The following SLC12A7 variants were observed in gnomAD, a reference collection of about 807,000 sequenced individuals.
SLC12A7 encodes the protein K-Cl cotransporter 4.
In SLC12A7, 100 loss-of-function variants were observed where a neutral mutation model predicts 120.6. That is an observed-to-expected ratio of 0.83 (90% CI 0.71 to 0.98). The LOEUF is 0.98. SLC12A7 is among the 50% of genes least tolerant of loss of function. The pLI is 0.00. For synonymous variants in SLC12A7, 760 were observed against 678.0 expected, an observed-to-expected ratio of 1.12 and a Z score of -1.88; for missense variants, 1,373 against 1,548.1, an observed-to-expected ratio of 0.89 and a Z score of 1.90.
the SLC12A7 span, among the ~76,000 whole-genome samples, chr5:1,123,064 C>T: frequency 3.9e-5 from 6 of 152,210 alleles, no homozygotes; most frequent in Non-Finnish European, 8.8e-5. Context: ...GCCAAAAATA[C>T]CTCCTAATCG....
At chr5:1,090,917 C>T (rs1385787881) in intron 3 of SLC12A7, among the ~76,000 whole-genome samples, 1 of 152,164 alleles carries the variant, frequency 6.6e-6, no homozygotes. Flanking sequence ...TCAATGGGAG[C>T]AGGTCTGCTG....
chr5:1,126,082 TTTTTA>T, the SLC12A7 span, among the ~76,000 whole-genome samples: 19 of 152,282 alleles, frequency 1.2e-4, no homozygotes, highest in East Asian at 7.7e-4. Flanking sequence ...TCATCTATTC[TTTTTA>T]TTTTATTTTA....
chr5:1,141,798 G>C, the SLC12A7 span, among the ~76,000 whole-genome samples: 1 of 152,210 alleles, frequency 6.6e-6, no homozygotes, highest in Non-Finnish European at 1.5e-5. Context: ...TGGACACTCA[G>C]GCAGAGACAA....
chr5:1,154,158 A>G, the SLC12A7 span, among the ~76,000 whole-genome samples: 61,128 of 151,434 alleles, frequency 0.4, 12,589 homozygotes, highest in Admixed American at 0.51. Context: ...CGTCCACCTC[A>G]TCTCCACAGG....
intron 15 of SLC12A7, 25 bp downstream of exon 15, chr5:1,075,346 T>G: frequency 6.2e-7 from 1 of 1,603,654 alleles, no homozygotes; most frequent in South Asian, 1.1e-5. Context: ...GCGCCGGGTC[T>G]GTAAGGGGGG....
At chr5:1,056,018 G>T (rs1034317754) in intron 22 of SLC12A7, among the ~76,000 whole-genome samples, 1 of 152,156 alleles carries the variant, frequency 6.6e-6, no homozygotes, top group Non-Finnish European at 1.5e-5. Flanking sequence ...GGCAGGCAGG[G>T]GACAGAGACG....
intron 1 of SLC12A7, among the ~76,000 whole-genome samples, chr5:1,110,184 G>A (rs892057493): frequency 6.6e-6 from 1 of 152,262 alleles, no homozygotes; most frequent in African/African-American, 2.4e-5. Context: ...AGTAGGAAGC[G>A]GGTCCAGCAC....
chr5:1,144,969 G>A, the SLC12A7 span, among the ~76,000 whole-genome samples: 641 of 152,380 alleles, frequency 4.2e-3, 7 homozygotes, highest in African/African-American at 0.014. Context: ...ATCCGAGGAA[G>A]GAAGTGCAGC....
chr5:1,125,103 C>T, the SLC12A7 span, among the ~76,000 whole-genome samples: 1 of 152,196 alleles, frequency 6.6e-6, no homozygotes, highest in East Asian at 1.9e-4. Context: ...GCCCCTACTC[C>T]ACACCACAGG....
chr5:1,078,842 T>TGGGGGGGGGGGGGGGGGGGG, intron 10 of SLC12A7, 84 bp from the exon 11 acceptor site: 1 of 17,384 alleles, frequency 5.8e-5, no homozygotes, highest in Non-Finnish European at 1.0e-4. Context: ...GTGGGGTGGG[T>TGGGGGGGGGGGGGGGGGGGG]GGGGAGATGC....
At chr5:1,083,020 A>G (rs1349560878) in intron 8 of SLC12A7, among the ~76,000 whole-genome samples, 2 of 146,326 alleles carry the variant, frequency 1.4e-5, no homozygotes, top group Non-Finnish European at 3.0e-5. Flanking sequence ...AGGTTCTGGA[A>G]AGCCTGGGCT....
intron 1 of SLC12A7, among the ~76,000 whole-genome samples, chr5:1,096,924 G>A (rs558242165): frequency 8.0e-5 from 12 of 150,640 alleles, no homozygotes; most frequent in Non-Finnish European, 1.6e-4. Flanking sequence ...GAAGGAAGGA[G>A]GGAGGGAGGG....
chr5:1,115,026 C>G (rs919345644), upstream of SLC12A7, among the ~76,000 whole-genome samples: 4 of 152,208 alleles, frequency 2.6e-5, no homozygotes, highest in Admixed American at 6.5e-5. Context: ...GACAATCTCC[C>G]AAGTATATTT....
intron 8 of SLC12A7, among the ~76,000 whole-genome samples, chr5:1,082,873 T>C (rs71593130): frequency 1.4e-4 from 18 of 130,078 alleles, no homozygotes; most frequent in South Asian, 2.6e-4. Context: ...TTCTGGAAAG[T>C]CCAGGCTTCC....
rs750082436 is a variant in SLC12A7, at chr5:1,075,408, T to C, written c.1930A>G (p.Ile644Val). 9 of 1,612,282 alleles carry C rather than the reference T, an allele frequency of 5.6e-6. No homozygotes were observed. Among genetic ancestry groups the C allele is most frequent in the Admixed American group, 1.7e-5 (1 of 59,984 alleles). Residue 644 changes from isoleucine (I) to valine (V), a missense_variant, in exon 15 of 24, where the codon ATC becomes GTC. Coordinates refer to ENST00000264930, the MANE Select transcript of SLC12A7 (RefSeq NM_006598.3). ...SWYYALSAML[I>V]AGCIYKYIEY... is the part of the protein sequence containing the mutation. The stretch of plus-strand genomic sequence containing the variant: ...ATGTACTTGTAGATGCAGCCAGCGA[T>C]GAGCATGGCGGACAGCGCGTAGTAC...
intron 5 of SLC12A7, 132 bp from the exon 6 acceptor site, chr5:1,087,165 C>T (rs1739958847): frequency 1.6e-6 from 2 of 1,221,178 alleles, no homozygotes; most frequent in East Asian, 5.2e-5. Flanking sequence ...CCTCGTCCAC[C>T]CGCAAAGCAG....
chr5:1,083,832 G>A lies in SLC12A7; in HGVS notation c.1042C>T (p.Pro348Ser). ...LWGLFCNGSQ[P>S]SAACDEYFIQ... ...AAGTACTCGTCACAGGCGGCGCTGG[G>A]CTGGGAGCCGTTGCAGAAGAGGCCC... Residue 348 changes from proline to serine, a missense_variant, in exon 8 of 24, where the codon CCC (proline) becomes TCC (serine). Physicochemically the swap from Pro to Ser is moderately conservative, Grantham distance 74 (BLOSUM62 -1). Transcript: ENST00000264930. 1 of 1,609,046 alleles carries A rather than the reference G, an allele frequency of 6.2e-7. No individual in the cohort carries two copies. The highest frequency in any genetic ancestry group is 1.7e-5 in the Admixed American group (1 of 59,788).
chr5:1,053,280 C>A, intron 23 of SLC12A7, 69 bp downstream of exon 23: 1 of 1,556,600 alleles, frequency 6.4e-7, no homozygotes, highest in South Asian at 1.2e-5. Context: ...CACCCACAAA[C>A]CCAGGTCTTA....
intron 17 of SLC12A7, among the ~76,000 whole-genome samples, chr5:1,069,337 G>A (rs777364711): frequency 1.2e-4 from 19 of 152,244 alleles, no homozygotes; most frequent in Non-Finnish European, 2.2e-4. Context: ...CCCACCCCTA[G>A]GCTGACCGGC....
Sources: allele counts gnomAD v4.1 joint callset (sites outside exome capture counted in the v4.1 genomes callset), GRCh38; gene constraint gnomAD v4.1.1; transcripts MANE v1.5; gene names NCBI Gene and HGNC (gene_info 2026-07-23, HGNC 2026-07-21).